DAO: variants seen among roughly 807,000 people sequenced by gnomAD.
DAO encodes D-amino-acid oxidase.
In DAO, 51 loss-of-function variants were observed where a neutral mutation model predicts 50.1. The ratio of observed to expected loss-of-function variants is 1.02; its 90% CI spans 0.81 to 1.29. DAO has a LOEUF of 1.29. DAO is among the 50% of genes most tolerant of loss of function. The pLI is 0.00. For synonymous variants in DAO, 160 were observed against 166.2 expected (o/e 0.96, Z 0.29); for missense variants, 436 against 439.4 (o/e 0.99, Z 0.07).
chr12:108,890,385 C>T, intron 5 of DAO, 112 bp downstream of exon 5: 1 of 811,358 alleles, frequency 1.2e-6, no homozygotes, highest in Admixed American at 1.9e-5. Flanking sequence ...TTGAAGAATA[C>T]CCTTAGGCCT....
intron 3 of DAO, among the ~76,000 whole-genome samples, chr12:108,889,184 C>A (rs2039463868): frequency 6.6e-6 from 1 of 151,858 alleles, no homozygotes. Context: ...CGGCTTACTG[C>A]AACCTCCAGC....
intron 1 of DAO, among the ~76,000 whole-genome samples, chr12:108,882,253 C>T (rs2137336231): frequency 6.6e-6 from 1 of 152,312 alleles, no homozygotes; most frequent in South Asian, 2.1e-4. Flanking sequence ...TGGCTCACGC[C>T]TGTAATCCTA....
At position 108,893,013 on chromosome 12, in the gene DAO, C is replaced by T. The variant is rs775708778; in HGVS notation, c.484C>T (p.Arg162Trp). Residue 162 changes from arginine (R) to tryptophan (W), a missense_variant, in exon 6 of 11, where the codon CGG becomes TGG. By Grantham distance (101) the Arg-to-Trp change is moderately radical. Transcript: ENST00000228476. ...TGAGAGGGGAGTGAAGTTCTTCCAG[C>T]GGAAAGTGGAGTCTTTTGAGGAGGT... ...LTERGVKFFQ[R>W]KVESFEEVAR... is the part of the protein sequence containing the mutation. 35 of 1,613,792 alleles carry T rather than the reference C, an allele frequency of 2.2e-5. No homozygotes were observed. The highest frequency in any genetic ancestry group is 8.9e-5 in the East Asian group (4 of 44,888).
At chr12:108,898,847 G>GTT in intron 9 of DAO, 51 bp downstream of exon 9, 1 of 1,247,322 alleles carries the variant, frequency 8.0e-7, no homozygotes, top group Non-Finnish European at 1.2e-6. Context: ...TGGGAGCTTG[G>GTT]TAATGAGGAC....
chr12:108,895,314 T>C (rs1037972026), intron 7 of DAO, among the ~76,000 whole-genome samples: 3 of 150,810 alleles, frequency 2.0e-5, no homozygotes, highest in Non-Finnish European at 4.4e-5. Flanking sequence ...TGTGTGTGCA[T>C]GTGTGAGGGT....
intron 1 of DAO, among the ~76,000 whole-genome samples, chr12:108,881,762 G>A (rs187647818): frequency 6.6e-6 from 1 of 151,724 alleles, no homozygotes; most frequent in Admixed American, 6.6e-5. Context: ...GCACCACCAT[G>A]CCAAGCTAAT....
chr12:108,898,877 C>A, intron 9 of DAO, 81 bp downstream of exon 9: 1 of 879,912 alleles, frequency 1.1e-6, no homozygotes, highest in Non-Finnish European at 1.9e-6. Context: ...CGGGAAGATG[C>A]CACCGCTGGG....
chr12:108,890,340 C>A, intron 5 of DAO, 67 bp downstream of exon 5: 2 of 1,251,378 alleles, frequency 1.6e-6, no homozygotes, highest in South Asian at 2.4e-5. Context: ...GAAGATGGTT[C>A]GTGGGCTTCC....
chr12:108,894,122 C>T, intron 6 of DAO, 141 bp from the exon 7 acceptor site: 1 of 677,216 alleles, frequency 1.5e-6, no homozygotes, highest in East Asian at 2.8e-5. Context: ...AGCCAGGCCC[C>T]TCTGATTCCT....
chr12:108,887,439 G>T lies in DAO; in HGVS notation c.195-11G>T. On this transcript the variant is annotated splice_polypyrimidine_tract_variant and intron_variant, in intron 2 of 10. Transcript: ENST00000228476. ...GGCATTGGGTGATCGAACTCTTCAT[G>T]ACCCTTCCAGGGACTGGAGCCAACA... The T allele has an allele frequency of 6.2e-7, 1 of 1,606,022 alleles. No individual in the cohort carries two copies. The highest frequency in any genetic ancestry group is 8.5e-7 in the Non-Finnish European group (1 of 1,172,808).
Position 108,900,388 on chromosome 12 carries a change from C to A in DAO, c.913-16C>A. On this transcript the variant is annotated splice_polypyrimidine_tract_variant and intron_variant, in intron 10 of 10. Transcript: ENST00000228476. ...TCCCTCTCGGACCTGGCCACCTTCTCTCTTGCCTCTCCTAGGTCATCCACA... is the reference window on the plus strand; with the variant it reads ...TCCCTCTCGGACCTGGCCACCTTCTATCTTGCCTCTCCTAGGTCATCCACA... 1 of 1,613,698 alleles carries A rather than the reference C, an allele frequency of 6.2e-7. No individual in the cohort carries two copies.
chr12:108,899,956 T>C (rs1026138252), intron 10 of DAO: 9 of 299,084 alleles, frequency 3.0e-5, no homozygotes, highest in Middle Eastern at 1.1e-3. Flanking sequence ...TGTGGTCAAA[T>C]AACAGGAAAA....
At chr12:108,881,380 G>A (rs146183485) in intron 1 of DAO, among the ~76,000 whole-genome samples, 6 of 151,070 alleles carry the variant, frequency 4.0e-5, no homozygotes, top group South Asian at 2.1e-4. Context: ...TTACCTACAC[G>A]CATGAATGAT....
At chr12:108,886,229 A>T (rs7975723) in intron 2 of DAO, among the ~76,000 whole-genome samples, 9 of 118,728 alleles carry the variant, frequency 7.6e-5, no homozygotes, top group African/African-American at 2.5e-4. Context: ...TCACTATGTT[A>T]CCCGGGCTGG....
At chr12:108,882,339 C>A (rs1180585881) in intron 1 of DAO, among the ~76,000 whole-genome samples, 1 of 152,158 alleles carries the variant, frequency 6.6e-6, no homozygotes, top group Admixed American at 6.5e-5. Context: ...ATGGTGAAAC[C>A]TTGTCTCTAC....
At chr12:108,887,279 G>A (rs929905164) in intron 2 of DAO, among the ~76,000 whole-genome samples, 171 bp from the exon 3 acceptor site, 8 of 152,160 alleles carry the variant, frequency 5.3e-5, no homozygotes, top group African/African-American at 1.7e-4. Flanking sequence ...GGAAAATTTA[G>A]GAGGGAGAAG....
rs2039599466 is a variant in DAO at position 108,899,517 on chromosome 12, C to T, written c.912+42C>T. 4 of 1,509,840 alleles carry T rather than the reference C, an allele frequency of 2.6e-6. No homozygotes were observed. In the African/African-American group the frequency reaches 4.1e-5, roughly 16 times the overall value. 93.5% of individuals were successfully genotyped at this position (1,509,840 alleles called of 1,614,324 possible). On this transcript the variant is annotated intron_variant, in intron 10 of 10. Coordinates refer to ENST00000228476, the MANE Select transcript of DAO (RefSeq NM_001917.5). ...AGGAAAGTAATGCCCTCTTCCACTC[C>T]TCAGATGGCTCTGGCATTTTCAGGG...
Position 108,885,154 on chromosome 12 carries a change from GGCCTCT to G in DAO, c.150_155del (p.Leu51_Trp52del), listed in dbSNP as rs546485721. ...ACTCACCACCACCGACGTGGCTGCC[GGCCTCT>G]GGCAGCCCTACCTTTCTGACCCCAA... is the stretch of plus-strand genomic sequence containing the variant. On this transcript the variant is annotated inframe_deletion, in exon 2 of 11. Transcript: ENST00000228476. 544 of 1,613,386 alleles carry G rather than the reference GGCCTCT, an allele frequency of 3.4e-4. 1 individual carries two copies. The South Asian group carries it at 4.1e-3, about 12-fold the overall frequency.
At chr12:108,894,860 A>C (rs1164330133) in intron 7 of DAO, among the ~76,000 whole-genome samples, 2 of 152,112 alleles carry the variant, frequency 1.3e-5, no homozygotes, top group African/African-American at 4.8e-5. Flanking sequence ...CTACAAGCGC[A>C]TGCCACCACC....
Sources: allele counts gnomAD v4.1 joint callset (sites outside exome capture counted in the v4.1 genomes callset), GRCh38; gene constraint gnomAD v4.1.1; transcripts MANE v1.5; gene names NCBI Gene and HGNC (gene_info 2026-07-23, HGNC 2026-07-21).